PNPLA5: variants seen among roughly 807,000 people sequenced by gnomAD.
PNPLA5 encodes the protein patatin-like phospholipase domain-containing protein 5.
In PNPLA5, 44 loss-of-function variants were observed where a neutral mutation model predicts 49.1. The observed-to-expected ratio is 0.90, with a 90% CI of 0.70 to 1.15. The LOEUF (loss-of-function observed/expected upper bound fraction) is 1.15. PNPLA5 is among the 50% of genes most tolerant of loss of function. The probability of loss-of-function intolerance (pLI) is 0.00; values close to 1 mark genes in which losing one functional copy is unlikely to be tolerated. For missense variants in PNPLA5, 603 were observed against 564.0 expected (o/e 1.07, Z -0.70); for synonymous variants, 243 against 244.4 (o/e 0.99, Z 0.06).
intron 8 of PNPLA5, among the ~76,000 whole-genome samples, chr22:43,881,265 C>T (rs2049607439): frequency 6.6e-6 from 1 of 152,210 alleles, no homozygotes; most frequent in Non-Finnish European, 1.5e-5. Flanking sequence ...GGAGGACTGG[C>T]AGGGAGCTGG....
Position 43,880,864 on chromosome 22 carries a change from C to A in PNPLA5, c.1221G>T (p.Leu407=). The part of the protein sequence containing the change: ...GPISPPATRV[L]ETSPLQPQIA... Reference sequence around the variant, plus strand: ...TCTGGGGTTGGAGGGGGCTTGTTTCCAGGACGCGAGTGGCCGGAGGGCTGT... The same window carrying A: ...TCTGGGGTTGGAGGGGGCTTGTTTCAAGGACGCGAGTGGCCGGAGGGCTGT... The change falls in exon 9 of 9, where the codon CTG becomes CTT. Residue 407 remains leucine (L), a synonymous_variant. Transcript: ENST00000216177. 7.5e-7 allele frequency: 1 copy of A among 1,338,628 alleles called. No individual in the cohort carries two copies. Among genetic ancestry groups the A allele is most frequent in the Non-Finnish European group, 9.6e-7 (1 of 1,036,738 alleles). The allele number at this position is 1,338,628 out of a possible 1,614,324, so 82.9% of individuals were successfully genotyped here.
chr22:43,891,798 G>C lies in PNPLA5; in HGVS notation c.83C>G (p.Thr28Ser), dbSNP rs552599016. The change falls in exon 1 of 9, where the codon ACC becomes AGC. Residue 28 changes from threonine (T) to serine (S), a missense_variant. Thr to Ser is a moderately conservative substitution (Grantham distance 58, BLOSUM62 1). Transcript: ENST00000216177. The stretch of plus-strand genomic sequence containing the variant: ...CGGGGCTCGCTGGCGCAGGCATTCG[G>C]TGGCGCCCACGTGGTGGGCGCCCAG... ...GYLGAHHVGA[T>S]ECLRQRAPRL... The C allele has an allele frequency of 6.6e-6, 10 of 1,526,614 alleles. 1 individual carries two copies. The African/African-American group carries it at 1.4e-4, about 22-fold the overall frequency. The allele number at this position is 1,526,614 out of a possible 1,614,324, so 94.6% of individuals were successfully genotyped here.
At chr22:43,881,903 G>A (rs1015514161) in intron 7 of PNPLA5, 3 of 336,028 alleles carry the variant, frequency 8.9e-6, no homozygotes, top group African/African-American at 6.7e-5. Flanking sequence ...TGGCAGAGGT[G>A]GCCAGGCCTT....
intron 7 of PNPLA5, chr22:43,881,887 T>G (rs2049614484): frequency 2.1e-6 from 1 of 480,448 alleles, no homozygotes; most frequent in African/African-American, 2.1e-5. Flanking sequence ...AAATGGACTT[T>G]GAACTTGGCA....
intron 7 of PNPLA5, among the ~76,000 whole-genome samples, chr22:43,882,324 A>G (rs906043947): frequency 1.3e-5 from 2 of 152,342 alleles, no homozygotes; most frequent in East Asian, 1.9e-4. Context: ...GAGAGACAGC[A>G]TGAGTCTGTC....
chr22:43,884,174 C>T (rs1481064663), intron 7 of PNPLA5, 39 bp downstream of exon 7: 1 of 1,481,028 alleles, frequency 6.8e-7, no homozygotes, highest in African/African-American at 1.4e-5. Context: ...GTCTCCGCCA[C>T]AAGCCAGGCC....
At position 43,891,922 on chromosome 22, in the gene PNPLA5, A is replaced by G; in HGVS notation, c.-42T>C. On this transcript the variant is annotated 5_prime_UTR_variant, in exon 1 of 9. Coordinates refer to ENST00000216177, the MANE Select transcript of PNPLA5 (RefSeq NM_138814.4). ...GGGGTGATCGGGACGAGGAAGGGTC[A>G]CTCCGTGACCCGGGATAGGGCCGGG... 4 of 1,488,872 alleles carry G rather than the reference A, an allele frequency of 2.7e-6. No homozygotes were observed. The highest frequency in any genetic ancestry group is 3.6e-6 in the Non-Finnish European group (4 of 1,124,810). 92.2% of individuals were successfully genotyped at this position (1,488,872 alleles called of 1,614,324 possible). A position where few individuals can be genotyped will look rare whatever the true frequency, so the allele number is the denominator to read the frequency against.
intron 3 of PNPLA5, 41 bp downstream of exon 3, chr22:43,889,758 G>C: frequency 1.3e-6 from 2 of 1,598,570 alleles, no homozygotes; most frequent in Non-Finnish European, 1.7e-6. Context: ...GTGCACCCCA[G>C]GCTGCCCAGA....
chr22:43,886,181 G>A (rs1255710916), intron 6 of PNPLA5, 122 bp downstream of exon 6: 3 of 1,087,244 alleles, frequency 2.8e-6, no homozygotes, highest in Non-Finnish European at 3.8e-6. Flanking sequence ...GCATTTAGTA[G>A]GTGCTCAGTA....
At chr22:43,888,398 G>C (rs1569507387) in intron 4 of PNPLA5, among the ~76,000 whole-genome samples, 1 of 145,618 alleles carries the variant, frequency 6.9e-6, no homozygotes, top group Admixed American at 7.0e-5. Flanking sequence ...GTGTGTGTGT[G>C]TGTGTGTGTG....
At chr22:43,884,377 A>C (rs1454131290) in intron 6 of PNPLA5, 32 bp from the exon 7 acceptor site, 13 of 1,506,808 alleles carry the variant, frequency 8.6e-6, no homozygotes, top group Admixed American at 2.2e-5. Context: ...GGCCCTGCCC[A>C]CCTGAAGTCT....
intron 5 of PNPLA5, chr22:43,886,691 A>G (rs1017735393): frequency 1.3e-6 from 1 of 790,910 alleles, no homozygotes; most frequent in Admixed American, 6.3e-5. Context: ...CGAGTGGCTC[A>G]TCAGAGCCCA....
chr22:43,887,769 C>A, intron 4 of PNPLA5, 118 bp from the exon 5 acceptor site: 1 of 1,525,852 alleles, frequency 6.6e-7, no homozygotes, highest in Middle Eastern at 1.7e-4. Flanking sequence ...CCTATTCTCC[C>A]CAAGTGACCA....
Position 43,880,373 on chromosome 22 carries a change from G to C in PNPLA5, c.*422C>G. ...CTGCAGGACTGAGAAAGTCTGGGGG[G>C]AGCACCCCCACCCCATCATCTCAGT... On this transcript the variant is annotated 3_prime_UTR_variant, in exon 9 of 9. Coordinates refer to ENST00000216177, the MANE Select transcript of PNPLA5 (RefSeq NM_138814.4). 2.5e-6 allele frequency: 1 copy of C among 398,678 alleles called. No individual in the cohort carries two copies. Among genetic ancestry groups the C allele is most frequent in the Non-Finnish European group, 4.4e-6 (1 of 226,142 alleles). The allele number at this position is 398,678 out of a possible 1,614,324, so 24.7% of individuals were successfully genotyped here.
At position 43,880,816 on chromosome 22, in the gene PNPLA5, G is replaced by A. The variant is rs749506731; in HGVS notation, c.1269C>T (p.Leu423=). ...CCCCTCAGGCCTGGTGGGTGGGCCC[G>A]AGCTCCTCTCTATGAGGAGCTATCT... ...QPQIAPHREE[L]GPTHQA is the part of the protein sequence containing the mutation. The change falls in exon 9 of 9, where the codon CTC becomes CTT. Residue 423 remains leucine (L), a synonymous_variant. Coordinates refer to ENST00000216177, the MANE Select transcript of PNPLA5 (RefSeq NM_138814.4). The A allele has an allele frequency of 9.7e-6, 13 of 1,341,350 alleles. No homozygotes were observed. The highest frequency in any genetic ancestry group is 7.7e-5 in the South Asian group (3 of 38,922). 83.1% of individuals were successfully genotyped at this position (1,341,350 alleles called of 1,614,324 possible).
At chr22:43,891,549 G>A (rs2049723410) in intron 1 of PNPLA5, 139 bp downstream of exon 1, 1 of 1,289,762 alleles carries the variant, frequency 7.8e-7, no homozygotes, top group Admixed American at 3.2e-5. Flanking sequence ...CCCAGCACTC[G>A]GTGTTCTCAT....
intron 2 of PNPLA5, 31 bp from the exon 3 acceptor site, chr22:43,889,895 C>G (rs1268651700): frequency 6.2e-7 from 1 of 1,610,464 alleles, no homozygotes; most frequent in Non-Finnish European, 8.5e-7. Flanking sequence ...AGGAACACAA[C>G]TGTGCATGCT....
rs528148035 is a variant in PNPLA5 at position 43,880,815 on chromosome 22, C to T, written c.1270G>A (p.Gly424Arg). The stretch of plus-strand genomic sequence containing the variant: ...CCCCCTCAGGCCTGGTGGGTGGGCC[C>T]GAGCTCCTCTCTATGAGGAGCTATC... ...PQIAPHREEL[G>R]PTHQA Residue 424 changes from glycine (G) to arginine (R), a missense_variant, in exon 9 of 9, where the codon GGG becomes AGG. Physicochemically the swap from Gly to Arg is moderately radical, Grantham distance 125 (BLOSUM62 -2). Transcript: ENST00000216177. 2.7e-5 allele frequency: 36 copies of T among 1,340,130 alleles called. No individual in the cohort carries two copies. The African/African-American group carries it at 3.0e-4, about 11-fold the overall frequency. The allele number at this position is 1,340,130 out of a possible 1,614,324, so 83.0% of individuals were successfully genotyped here. A position where few individuals can be genotyped will look rare whatever the true frequency, so the allele number is the denominator to read the frequency against.
At chr22:43,881,440 G>C in intron 8 of PNPLA5, 118 bp downstream of exon 8, 1 of 1,048,130 alleles carries the variant, frequency 9.5e-7, no homozygotes, top group Non-Finnish European at 1.4e-6. Flanking sequence ...GAGGGACGCA[G>C]GTAAGCAGGT....
Sources: gnomAD v4.1 joint callset for allele counts (sites outside exome capture counted in the v4.1 genomes callset) on GRCh38, gnomAD v4.1.1 for gene constraint, MANE v1.5 for transcripts, NCBI Gene and HGNC (gene_info 2026-07-23, HGNC 2026-07-21) for gene names.